PLXDC2: variants seen among roughly 807,000 people sequenced by gnomAD.
PLXDC2 encodes plexin domain containing 2, also known as plexin domain-containing protein 2.
PLXDC2 carries 40 observed loss-of-function variants against 68.9 expected under a neutral mutation model. The ratio of observed to expected loss-of-function variants is 0.58; its 90% CI spans 0.45 to 0.76. PLXDC2 has a LOEUF of 0.76. Ranked by LOEUF, PLXDC2 falls within the 30% of genes least tolerant of loss-of-function variation. PLXDC2 has a pLI of 0.00. For synonymous variants in PLXDC2, 243 were observed against 234.2 expected (o/e 1.04, Z -0.34); for missense variants, 644 against 661.9 (o/e 0.97, Z 0.30).
intron 1 of PLXDC2, among the ~76,000 whole-genome samples, chr10:19,980,186 T>G (rs959745763): frequency 2.0e-5 from 3 of 152,166 alleles, no homozygotes; most frequent in Admixed American, 2.0e-4. Context: ...ATGTTCTTGT[T>G]TGTTTGACAT....
intron 1 of PLXDC2, among the ~76,000 whole-genome samples, chr10:19,916,488 A>G (rs1218902742): frequency 1.3e-5 from 2 of 151,866 alleles, no homozygotes; most frequent in African/African-American, 4.8e-5. Context: ...ATACATATGG[A>G]TACATAAGCA....
chr10:20,039,252 T>C (rs1835634870), intron 2 of PLXDC2, among the ~76,000 whole-genome samples: 1 of 152,184 alleles, frequency 6.6e-6, no homozygotes, highest in Non-Finnish European at 1.5e-5. Context: ...TTGGTGATGT[T>C]TCTATAAAAC....
chr10:19,876,601 CAAAAAAAAAA>C (rs61268790), intron 1 of PLXDC2, among the ~76,000 whole-genome samples: 11 of 63,972 alleles, frequency 1.7e-4, no homozygotes, highest in African/African-American at 4.7e-4. Context: ...GATTCCATCT[CAAAAAAAAAA>C]AAAAAAAAAA....
chr10:19,858,843 A>G (rs1837265037), intron 1 of PLXDC2, among the ~76,000 whole-genome samples: 1 of 152,168 alleles, frequency 6.6e-6, no homozygotes, highest in African/African-American at 2.4e-5. Context: ...TTCTGTTGCT[A>G]TAAAGAAATA....
intron 12 of PLXDC2, among the ~76,000 whole-genome samples, chr10:20,230,700 A>AAAC (rs1259370597): frequency 3.3e-5 from 5 of 149,302 alleles, no homozygotes; most frequent in African/African-American, 9.8e-5. Flanking sequence ...TCTCAAAAAA[A>AAAC]AAAAAAAAAA....
intron 2 of PLXDC2, among the ~76,000 whole-genome samples, chr10:20,005,469 T>A (rs907082068): frequency 1.3e-5 from 2 of 152,102 alleles, no homozygotes; most frequent in African/African-American, 4.8e-5. Flanking sequence ...TACTAGGCCA[T>A]TTTTGCCTTC....
At chr10:20,192,586 G>A (rs1203638381) in intron 9 of PLXDC2, among the ~76,000 whole-genome samples, 2 of 151,844 alleles carry the variant, frequency 1.3e-5, no homozygotes, top group African/African-American at 4.8e-5. Flanking sequence ...ATTTTTCATG[G>A]GAAAATTATT....
At chr10:20,264,222 C>T (rs908718530) in intron 13 of PLXDC2, among the ~76,000 whole-genome samples, 5 of 152,042 alleles carry the variant, frequency 3.3e-5, no homozygotes, top group Non-Finnish European at 7.4e-5. Flanking sequence ...AAACAGAAAA[C>T]CAAATACTGC....
chr10:20,037,304 G>A lies in PLXDC2; in HGVS notation c.325-9565G>A, dbSNP rs140892952. ...GCCCTCAGAAATCCCTTGTAAGTTGGCAGTTCACCTAACTCTGCCTCAGAT... is the reference window on the plus strand; with the variant it reads ...GCCCTCAGAAATCCCTTGTAAGTTGACAGTTCACCTAACTCTGCCTCAGAT... On this transcript the variant is annotated intron_variant, in intron 2 of 13. Coordinates refer to ENST00000377252, the MANE Select transcript of PLXDC2 (RefSeq NM_032812.9). 5.0e-3 allele frequency among the ~76,000 whole-genome samples: 757 copies of A among 150,392 alleles called. 6 individuals carry two copies. Among genetic ancestry groups the A allele is most frequent in the Middle Eastern group, 0.01 (3 of 286 alleles).
intron 4 of PLXDC2, among the ~76,000 whole-genome samples, chr10:20,086,663 G>A (rs963527049): frequency 7.2e-5 from 11 of 152,122 alleles, no homozygotes; most frequent in African/African-American, 2.6e-4. Flanking sequence ...TCTAAACATG[G>A]TACATAGAAG....
At chr10:20,215,703 A>G (rs188974866) in intron 10 of PLXDC2, among the ~76,000 whole-genome samples, 104 of 152,202 alleles carry the variant, frequency 6.8e-4, no homozygotes, top group Admixed American at 1.6e-3. Flanking sequence ...GGATGGCTAT[A>G]AGGAAAGGTC....
At chr10:19,822,879 A>G (rs913692171) in intron 1 of PLXDC2, among the ~76,000 whole-genome samples, 2 of 151,690 alleles carry the variant, frequency 1.3e-5, no homozygotes, top group African/African-American at 4.8e-5. Context: ...AGTTTATTCC[A>G]CTATTTTCCT....
intron 6 of PLXDC2, among the ~76,000 whole-genome samples, chr10:20,153,359 C>T (rs977871355): frequency 6.6e-6 from 1 of 152,174 alleles, no homozygotes; most frequent in Non-Finnish European, 1.5e-5. Context: ...CTAACACTTG[C>T]TTATACATTG....
intron 1 of PLXDC2, among the ~76,000 whole-genome samples, chr10:19,942,942 CAAG>C (rs1308341723): frequency 6.6e-6 from 1 of 152,178 alleles, no homozygotes; most frequent in Non-Finnish European, 1.5e-5. Context: ...TTTGTAATAA[CAAG>C]GAGATGTATA....
chr10:20,121,814 T>G lies in PLXDC2; in HGVS notation c.542-21481T>G, dbSNP rs553199288. Among the ~76,000 whole-genome samples the G allele has an allele frequency of 4.3e-4, 65 of 152,120 alleles. 1 individual carries two copies. The South Asian group carries it at 0.012, about 28-fold the overall frequency. On this transcript the variant is annotated intron_variant, in intron 4 of 13. Coordinates refer to ENST00000377252, the MANE Select transcript of PLXDC2 (RefSeq NM_032812.9). ...TTTAGGACAGGTAAAATGGGGGAAT[T>G]GTAAGGAGAGTTTATAGGCTTTAAA...
intron 1 of PLXDC2, among the ~76,000 whole-genome samples, chr10:19,953,343 A>G (rs1834020687): frequency 1.3e-5 from 2 of 152,268 alleles, no homozygotes; most frequent in South Asian, 4.1e-4. Flanking sequence ...GTGACATTTG[A>G]TTTAAGTATT....
intron 4 of PLXDC2, among the ~76,000 whole-genome samples, chr10:20,083,896 A>G (rs1429851453): frequency 6.6e-6 from 1 of 152,264 alleles, no homozygotes; most frequent in African/African-American, 2.4e-5. Flanking sequence ...AAAGAAGGAC[A>G]GAAAAAAGAT....
At chr10:20,008,903 GT>G (rs1835067991) in intron 2 of PLXDC2, among the ~76,000 whole-genome samples, 1 of 152,126 alleles carries the variant, frequency 6.6e-6, no homozygotes, top group East Asian at 1.9e-4. Context: ...ACCTTCTGCC[GT>G]GATTGTCAGG....
chr10:19,997,267 C>T (rs1369630328), intron 1 of PLXDC2, among the ~76,000 whole-genome samples: 1 of 152,132 alleles, frequency 6.6e-6, no homozygotes, highest in Non-Finnish European at 1.5e-5. Context: ...AGAATTTTAT[C>T]TTTGGTTCTG....
Sources: gnomAD v4.1 joint callset for allele counts (sites outside exome capture counted in the v4.1 genomes callset) on GRCh38, gnomAD v4.1.1 for gene constraint, MANE v1.5 for transcripts, NCBI Gene and HGNC (gene_info 2026-07-23, HGNC 2026-07-21) for gene names.